JARID2: variants seen among roughly 807,000 people sequenced by gnomAD.
JARID2 encodes the protein protein Jumonji.
A neutral mutation model predicts 125.6 loss-of-function variants in JARID2; 21 were observed. The ratio of observed to expected loss-of-function variants is 0.17; its 90% confidence interval spans 0.12 to 0.24. The LOEUF (loss-of-function observed/expected upper bound fraction) is 0.24, where lower values mean the gene tolerates loss of function less well. Ranked by LOEUF, JARID2 falls within the 10% of genes least tolerant of loss-of-function variation. The probability of loss-of-function intolerance (pLI) is 1.00; values close to 1 mark genes in which losing one functional copy is unlikely to be tolerated. For missense variants in JARID2, 1,303 were observed against 1,639.6 expected, an observed-to-expected ratio of 0.79 and a Z score of 3.55; for synonymous variants, 736 against 661.6, an observed-to-expected ratio of 1.11 and a Z score of -1.73.
chr6:15,518,455 T>A (rs1019151975), intron 17 of JARID2, among the ~76,000 whole-genome samples: 15 of 152,226 alleles, frequency 9.9e-5, no homozygotes, highest in Admixed American at 2.6e-4. Flanking sequence ...TCAGTAAGCA[T>A]GTCTGTGCCT....
chr6:15,267,675 T>C (rs1304701763), intron 1 of JARID2, among the ~76,000 whole-genome samples: 1 of 152,158 alleles, frequency 6.6e-6, no homozygotes, highest in Non-Finnish European at 1.5e-5. Flanking sequence ...ACGCGCGAAC[T>C]CAATGGTTGC....
intron 2 of JARID2, among the ~76,000 whole-genome samples, chr6:15,396,815 T>C (rs1283745515): frequency 4.6e-5 from 7 of 152,224 alleles, no homozygotes; most frequent in Non-Finnish European, 1.0e-4. Flanking sequence ...GTGTTGTCTT[T>C]TTTGATAGCT....
rs372890344 is a variant in JARID2, at chr6:15,496,822, G to A, written c.1597G>A (p.Val533Met). 77 of 1,602,668 alleles carry A rather than the reference G, an allele frequency of 4.8e-5. No individual in the cohort carries two copies. The highest frequency in any genetic ancestry group is 1.7e-4 in the Middle Eastern group (1 of 6,050). The change falls in exon 7 of 18, where the codon GTG (valine) becomes ATG (methionine). Residue 533 changes from valine (V) to methionine (M), a missense_variant. Val to Met is a conservative substitution (Grantham distance 21). Coordinates refer to ENST00000341776, the MANE Select transcript of JARID2 (RefSeq NM_004973.4). ...TCGTTCTACCTCGCAACCGGAGTCCGTGCACAAGCCGCAGGACTCGGGCAA... is the reference window on the plus strand; with the variant it reads ...TCGTTCTACCTCGCAACCGGAGTCCATGCACAAGCCGCAGGACTCGGGCAA... ...ENRSTSQPES[V>M]HKPQDSGKAE...
At chr6:15,412,492 A>G (rs35047303) in intron 3 of JARID2, among the ~76,000 whole-genome samples, 13,929 of 152,132 alleles carry the variant, frequency 0.092, 782 homozygotes, top group Middle Eastern at 0.15. Context: ...TATTTTTAGT[A>G]GAGATGGGGT....
At chr6:15,454,563 G>A (rs375242369) in intron 4 of JARID2, among the ~76,000 whole-genome samples, 1 of 151,914 alleles carries the variant, frequency 6.6e-6, no homozygotes, top group Non-Finnish European at 1.5e-5. Context: ...AAGCAGCCTC[G>A]ACCTCCTGGG....
intron 1 of JARID2, among the ~76,000 whole-genome samples, chr6:15,249,869 T>C (rs73724792): frequency 1.6e-4 from 25 of 152,338 alleles, no homozygotes; most frequent in African/African-American, 5.8e-4. Flanking sequence ...CTGCAATACC[T>C]TAAATAACTG....
At chr6:15,362,138 C>CT (rs2127496718) in intron 1 of JARID2, among the ~76,000 whole-genome samples, 1 of 151,962 alleles carries the variant, frequency 6.6e-6, no homozygotes, top group African/African-American at 2.4e-5. Flanking sequence ...CTGCGCCCCC[C>CT]CCGCCTCCCA....
At chr6:15,327,373 A>G (rs568308518) in intron 1 of JARID2, among the ~76,000 whole-genome samples, 19 of 152,060 alleles carry the variant, frequency 1.2e-4, no homozygotes, top group African/African-American at 4.1e-4. Context: ...TTTTCATATT[A>G]TAGTCCCTTA....
intron 2 of JARID2, among the ~76,000 whole-genome samples, chr6:15,376,905 G>A (rs965864019): frequency 6.6e-6 from 1 of 152,176 alleles, no homozygotes; most frequent in African/African-American, 2.4e-5. Flanking sequence ...CAAGACTTTA[G>A]GGCTGGTGAG....
chr6:15,359,666 C>G (rs959641474), intron 1 of JARID2, among the ~76,000 whole-genome samples: 2 of 150,770 alleles, frequency 1.3e-5, no homozygotes, highest in Non-Finnish European at 1.5e-5. Flanking sequence ...ATAACCTCAG[C>G]GGGTATTAGA....
chr6:15,513,478 C>T, intron 16 of JARID2, 56 bp downstream of exon 16: 1 of 1,497,438 alleles, frequency 6.7e-7, no homozygotes. Context: ...CCTGAGAGCT[C>T]CGGGGTTGCC....
At chr6:15,452,497 C>T (rs929537699) in intron 4 of JARID2, among the ~76,000 whole-genome samples, 2 of 152,206 alleles carry the variant, frequency 1.3e-5, no homozygotes, top group South Asian at 2.1e-4. Context: ...GACACACACA[C>T]ATTGCTGACT....
chr6:15,382,917 T>C (rs1764646523), intron 2 of JARID2, among the ~76,000 whole-genome samples: 1 of 152,154 alleles, frequency 6.6e-6, no homozygotes, highest in African/African-American at 2.4e-5. Flanking sequence ...ACATCATCAT[T>C]CCCATCCAAT....
intron 1 of JARID2, among the ~76,000 whole-genome samples, chr6:15,263,830 T>TG (rs1327945431): frequency 6.6e-6 from 1 of 152,154 alleles, no homozygotes; most frequent in Non-Finnish European, 1.5e-5. Flanking sequence ...TGACCTCAGG[T>TG]GATCTGCCTG....
chr6:15,309,685 A>G (rs10949292), intron 1 of JARID2, among the ~76,000 whole-genome samples: 6,326 of 150,672 alleles, frequency 0.042, 165 homozygotes, highest in South Asian at 0.11. Flanking sequence ...GTGTGTGTGT[A>G]TATATATATA....
At chr6:15,273,570 G>A (rs147761853) in intron 1 of JARID2, among the ~76,000 whole-genome samples, 3,258 of 152,198 alleles carry the variant, frequency 0.021, 68 homozygotes, top group Non-Finnish European at 0.027. Context: ...GCATGGTGGC[G>A]CATGCCTGTA....
intron 1 of JARID2, among the ~76,000 whole-genome samples, chr6:15,268,199 G>A (rs1053054745): frequency 1.6e-4 from 24 of 152,158 alleles, no homozygotes; most frequent in Non-Finnish European, 2.9e-5. Context: ...TTTTCGTAAG[G>A]GTAGAGCTAG....
chr6:15,321,696 C>T (rs1297565020), intron 1 of JARID2, among the ~76,000 whole-genome samples: 3 of 149,270 alleles, frequency 2.0e-5, no homozygotes, highest in Non-Finnish European at 1.5e-5. Context: ...GAACAAACAA[C>T]AGAAATGCTT....
At chr6:15,509,254 A>G in intron 12 of JARID2, 2 of 1,202,434 alleles carry the variant, frequency 1.7e-6, no homozygotes, top group Non-Finnish European at 2.1e-6. Flanking sequence ...ACTACAAATA[A>G]TCAGATGTCT....
Sources: gnomAD v4.1 joint callset for allele counts (sites outside exome capture counted in the v4.1 genomes callset) on GRCh38, gnomAD v4.1.1 for gene constraint, MANE v1.5 for transcripts, NCBI Gene and HGNC (gene_info 2026-07-23, HGNC 2026-07-21) for gene names.